Variants in CCDC91 observed in about 807,000 individuals in gnomAD.
The protein encoded by CCDC91 is coiled-coil domain containing 91.
A neutral mutation model predicts 63.2 loss-of-function variants in CCDC91; 48 were observed. The observed-to-expected ratio is 0.76, with a 90% CI of 0.60 to 0.97. CCDC91 has a LOEUF of 0.97. Among genes scored for constraint, CCDC91 ranks in the 50% least tolerant of loss-of-function variants. The pLI, the probability that CCDC91 is intolerant of heterozygous loss-of-function variation, is 0.00. For synonymous variants in CCDC91, 167 were observed against 165.8 expected, an observed-to-expected ratio of 1.01 and a Z score of -0.06; for missense variants, 500 against 494.6, an observed-to-expected ratio of 1.01 and a Z score of -0.10.
chr12:28,193,264 A>G (rs1941424012), intron 1 of CCDC91, among the ~76,000 whole-genome samples: 1 of 152,194 alleles, frequency 6.6e-6, no homozygotes, highest in Non-Finnish European at 1.5e-5. Flanking sequence ...TTACACATCT[A>G]GGAATGGAAT....
intron 6 of CCDC91, among the ~76,000 whole-genome samples, chr12:28,310,647 G>A (rs1273711604): frequency 6.6e-6 from 1 of 151,978 alleles, no homozygotes; most frequent in East Asian, 1.9e-4. Flanking sequence ...TAGGCATACT[G>A]TTCAGTTTGT....
intron 7 of CCDC91, among the ~76,000 whole-genome samples, chr12:28,374,408 T>C (rs1944817586): frequency 6.6e-6 from 1 of 152,162 alleles, no homozygotes. Flanking sequence ...TTCTTTTGCA[T>C]GAATAATTTG....
chr12:28,273,059 A>G (rs1468154869), intron 3 of CCDC91, among the ~76,000 whole-genome samples: 1 of 133,316 alleles, frequency 7.5e-6, no homozygotes, highest in African/African-American at 2.9e-5. Context: ...CTCATTGTTC[A>G]GTTCCCACCT....
intron 11 of CCDC91, among the ~76,000 whole-genome samples, 174 bp from the exon 12 acceptor site, chr12:28,483,878 G>C (rs1951574767): frequency 6.6e-6 from 1 of 152,106 alleles, no homozygotes; most frequent in African/African-American, 2.4e-5. Flanking sequence ...AGGGAGTTCT[G>C]TGAACTCTCT....
chr12:28,450,661 A>G lies in CCDC91; in HGVS notation c.924+243A>G, dbSNP rs1286914316. On this transcript the variant is annotated intron_variant, in intron 10 of 12. Coordinates refer to ENST00000536442, the MANE Select transcript of CCDC91 (RefSeq NM_018318.5). ...TTATTAGTTACTTATTATAAAGAAC[A>G]TATATGTTGCAACACTAATATCCAC... is the stretch of plus-strand genomic sequence containing the variant. Among the ~76,000 whole-genome samples, 3 of 151,940 alleles carry G rather than the reference A, an allele frequency of 2.0e-5. No homozygotes were observed. In the East Asian group the frequency reaches 5.8e-4, roughly 29 times the overall value.
chr12:28,274,448 C>T (rs531067791), intron 3 of CCDC91, among the ~76,000 whole-genome samples: 118 of 152,162 alleles, frequency 7.8e-4, no homozygotes, highest in Non-Finnish European at 1.0e-3. Context: ...GCCATTTTCA[C>T]GATATTGATT....
intron 12 of CCDC91, among the ~76,000 whole-genome samples, chr12:28,530,882 C>T (rs1941677182): frequency 6.6e-6 from 1 of 152,134 alleles, no homozygotes; most frequent in African/African-American, 2.4e-5. Flanking sequence ...ATGTTGGGAA[C>T]TTAATCCCCA....
intron 8 of CCDC91, among the ~76,000 whole-genome samples, chr12:28,404,906 A>G (rs1946839469): frequency 6.6e-6 from 1 of 152,042 alleles, no homozygotes; most frequent in African/African-American, 2.4e-5. Flanking sequence ...TCTCATAGAC[A>G]GCATACTGGA....
intron 8 of CCDC91, among the ~76,000 whole-genome samples, chr12:28,422,518 C>T (rs952166380): frequency 4.0e-5 from 6 of 151,838 alleles, no homozygotes; most frequent in South Asian, 2.1e-4. Flanking sequence ...TAAAATAAGC[C>T]GAAAAAGTGT....
At chr12:28,288,310 T>C (rs1183993534) in intron 3 of CCDC91, among the ~76,000 whole-genome samples, 1 of 152,208 alleles carries the variant, frequency 6.6e-6, no homozygotes, top group East Asian at 1.9e-4. Flanking sequence ...TCAGCTTTTG[T>C]CCATTCAGTA....
At chr12:28,370,950 C>A (rs1234328861) in intron 7 of CCDC91, among the ~76,000 whole-genome samples, 1 of 152,120 alleles carries the variant, frequency 6.6e-6, no homozygotes, top group African/African-American at 2.4e-5. Context: ...TCCTGCCAGG[C>A]CCTTCCCCTG....
intron 12 of CCDC91, among the ~76,000 whole-genome samples, chr12:28,519,608 C>T (rs1592933454): frequency 1.3e-5 from 2 of 151,036 alleles, no homozygotes; most frequent in Non-Finnish European, 3.0e-5. Context: ...CTAGGGTACA[C>T]GTGCACAACG....
chr12:28,520,867 A>T (rs185679126), intron 12 of CCDC91, among the ~76,000 whole-genome samples: 2 of 152,302 alleles, frequency 1.3e-5, no homozygotes, highest in African/African-American at 4.8e-5. Context: ...GGTTTGTCAA[A>T]GATCAGATGG....
intron 11 of CCDC91, among the ~76,000 whole-genome samples, chr12:28,453,378 TTAAA>T (rs1292991030): frequency 2.0e-5 from 3 of 152,012 alleles, no homozygotes; most frequent in African/African-American, 7.2e-5. Context: ...GTTCAAACTG[TTAAA>T]TATACTACAA....
chr12:28,487,497 C>T lies in CCDC91; in HGVS notation c.1215+3332C>T, dbSNP rs192137261. Among the ~76,000 whole-genome samples the T allele has an allele frequency of 3.3e-5, 5 of 151,756 alleles. No individual in the cohort carries two copies. The East Asian group carries it at 9.7e-4, about 29-fold the overall frequency. ...CTTATAAACTAATACTTAGGAAAAA[C>T]AAAAGTTTTTTAGCAAATTCATAAT... On this transcript the variant is annotated intron_variant, in intron 12 of 12. Transcript: ENST00000536442.
At chr12:28,354,955 C>T (rs1038545853) in intron 6 of CCDC91, among the ~76,000 whole-genome samples, 1 of 152,116 alleles carries the variant, frequency 6.6e-6, no homozygotes, top group Non-Finnish European at 1.5e-5. Context: ...GTAGGCAAAG[C>T]TGGTCTTAGG....
At chr12:28,206,268 G>A (rs149335752) in intron 1 of CCDC91, among the ~76,000 whole-genome samples, 181 of 152,242 alleles carry the variant, frequency 1.2e-3, no homozygotes, top group African/African-American at 3.9e-3. Context: ...TCTCAGGTGA[G>A]AGTGTGACCA....
chr12:28,330,681 C>T (rs1489784072), intron 6 of CCDC91, among the ~76,000 whole-genome samples: 1 of 151,942 alleles, frequency 6.6e-6, no homozygotes, highest in African/African-American at 2.4e-5. Context: ...GTCATGAAGT[C>T]CGATTAAGGA....
intron 1 of CCDC91, among the ~76,000 whole-genome samples, chr12:28,251,050 C>G (rs2136094656): frequency 6.6e-6 from 1 of 151,654 alleles, no homozygotes; most frequent in Admixed American, 6.6e-5. Flanking sequence ...AAAAAAACCA[C>G]TTGTCTCTGT....
Sources: gnomAD v4.1 joint callset for allele counts (sites outside exome capture counted in the v4.1 genomes callset) on GRCh38, gnomAD v4.1.1 for gene constraint, MANE v1.5 for transcripts, NCBI Gene and HGNC (gene_info 2026-07-23, HGNC 2026-07-21) for gene names.